Variants in IL1RAPL2 observed in about 807,000 individuals in gnomAD.
IL1RAPL2 encodes the protein interleukin 1 receptor accessory protein like 2.
Under a neutral mutation model 44.1 loss-of-function variants are expected in IL1RAPL2, and 3 were observed. The ratio of observed to expected loss-of-function variants is 0.07; its 90% CI spans 0.03 to 0.18. The LOEUF (loss-of-function observed/expected upper bound fraction) is 0.18, where lower values mean the gene tolerates loss of function less well. Among genes scored for constraint, IL1RAPL2 ranks in the 10% least tolerant of loss-of-function variants. The probability of loss-of-function intolerance (pLI) is 1.00; values close to 1 mark genes in which losing one functional copy is unlikely to be tolerated. For synonymous variants in IL1RAPL2, 181 were observed against 178.8 expected, an observed-to-expected ratio of 1.01 and a Z score of -0.10; for missense variants, 391 against 496.4, an observed-to-expected ratio of 0.79 and a Z score of 2.02.
chrX:105,665,752 T>G (rs930306860), intron 6 of IL1RAPL2, among the ~76,000 whole-genome samples: 3 of 101,200 alleles, frequency 3.0e-5, no homozygotes, highest in Non-Finnish European at 6.0e-5. Context: ...GTTTTTTTTT[T>G]TTTGTTGTTG....
intron 6 of IL1RAPL2, among the ~76,000 whole-genome samples, chrX:105,656,293 G>A (rs2037676714): frequency 8.9e-6 from 1 of 112,078 alleles, no homozygotes; most frequent in South Asian, 3.7e-4. Flanking sequence ...GGTGATGGGA[G>A]AAAAGAGAAG....
chrX:105,291,009 T>C (rs5962502), intron 5 of IL1RAPL2, among the ~76,000 whole-genome samples: 28,602 of 110,879 alleles, frequency 0.26, 7,103 homozygotes, highest in African/African-American at 0.79. Context: ...TAGCCCCTCA[T>C]AAAGGCCATT....
chrX:105,536,824 A>G (rs2036680799), intron 6 of IL1RAPL2, among the ~76,000 whole-genome samples: 1 of 112,029 alleles, frequency 8.9e-6, no homozygotes, highest in Non-Finnish European at 1.9e-5. Context: ...TTTATCTTAT[A>G]AGTAAAGTTG....
intron 2 of IL1RAPL2, among the ~76,000 whole-genome samples, chrX:105,122,526 A>G (rs1437009815): frequency 9.0e-6 from 1 of 111,676 alleles, no homozygotes; most frequent in Admixed American, 9.5e-5. Context: ...ATTACAAAAG[A>G]TGATCATCAG....
At chrX:105,627,048 C>G (rs2037458102) in intron 6 of IL1RAPL2, among the ~76,000 whole-genome samples, 1 of 111,511 alleles carries the variant, frequency 9.0e-6, no homozygotes, top group Admixed American at 9.6e-5. Context: ...TTATTATTGT[C>G]TGTAATGGAA....
intron 2 of IL1RAPL2, among the ~76,000 whole-genome samples, chrX:105,187,122 G>A (rs1414307269): frequency 9.0e-6 from 1 of 111,663 alleles, no homozygotes; most frequent in East Asian, 2.8e-4. Context: ...ATATCCAGGA[G>A]CCTACGCTTA....
At chrX:105,493,613 C>T (rs1448191198) in intron 6 of IL1RAPL2, among the ~76,000 whole-genome samples, 4 of 110,790 alleles carry the variant, frequency 3.6e-5, no homozygotes, top group Non-Finnish European at 7.6e-5. Flanking sequence ...AAAATGGGCT[C>T]GGAGAATTTA....
intron 2 of IL1RAPL2, among the ~76,000 whole-genome samples, chrX:104,967,877 T>C (rs1262281615): frequency 9.1e-6 from 1 of 110,278 alleles, no homozygotes; most frequent in Non-Finnish European, 1.9e-5. Flanking sequence ...AGTAGACTTA[T>C]AATCATTAAA....
Position 105,403,905 on chromosome X carries a change from T to C in IL1RAPL2, c.698-80408T>C, listed in dbSNP as rs147644739. On this transcript the variant is annotated intron_variant, in intron 5 of 10. Coordinates refer to ENST00000372582, the MANE Select transcript of IL1RAPL2 (RefSeq NM_017416.2). ...TTTCTTCCCTCTTTTGTTAACGTAA[T>C]AATTTATCAACCAGTTTTTCTTTAG... Among the ~76,000 whole-genome samples the C allele has an allele frequency of 3.7e-3, 412 of 111,761 alleles. 6 individuals are homozygous for C. In the Middle Eastern group the frequency reaches 0.041, roughly 11 times the overall value.
intron 2 of IL1RAPL2, among the ~76,000 whole-genome samples, chrX:104,667,437 G>A (rs1012005720): frequency 3.6e-5 from 4 of 111,029 alleles, no homozygotes; most frequent in Non-Finnish European, 5.7e-5. Context: ...AACATGCATC[G>A]AGTGCTCCTA....
chrX:104,619,789 A>G (rs1412283549), intron 1 of IL1RAPL2, among the ~76,000 whole-genome samples: 1 of 112,416 alleles, frequency 8.9e-6, no homozygotes, highest in Non-Finnish European at 1.9e-5. Context: ...ATATTAAAAA[A>G]TAAGCAAAGA....
At chrX:104,608,439 A>C (rs1206702859) in intron 1 of IL1RAPL2, among the ~76,000 whole-genome samples, 1 of 110,416 alleles carries the variant, frequency 9.1e-6, no homozygotes, top group Non-Finnish European at 1.9e-5. Flanking sequence ...TGGGGTGTTA[A>C]AGTTTCCCAT....
chrX:105,128,594 T>C (rs2032998314), intron 2 of IL1RAPL2, among the ~76,000 whole-genome samples: 1 of 111,286 alleles, frequency 9.0e-6, no homozygotes, highest in South Asian at 3.7e-4. Flanking sequence ...TATATCACAA[T>C]TTATTCAACC....
At chrX:104,582,507 T>G (rs1928369109) in intron 1 of IL1RAPL2, among the ~76,000 whole-genome samples, 1 of 110,104 alleles carries the variant, frequency 9.1e-6, no homozygotes, top group Non-Finnish European at 1.9e-5. Flanking sequence ...TCTCTCTCTC[T>G]CTCTCTTTCT....
At chrX:105,716,853 A>G (rs2038260770) in intron 6 of IL1RAPL2, among the ~76,000 whole-genome samples, 1 of 112,268 alleles carries the variant, frequency 8.9e-6, no homozygotes, top group South Asian at 3.7e-4. Flanking sequence ...TCAAGTTAGC[A>G]GTGCTTAATA....
intron 2 of IL1RAPL2, among the ~76,000 whole-genome samples, chrX:105,108,997 CAT>C (rs957895236): frequency 2.7e-5 from 3 of 111,719 alleles, no homozygotes; most frequent in African/African-American, 9.8e-5. Context: ...ACTCTACAAA[CAT>C]ATTGGGCTTC....
intron 2 of IL1RAPL2, among the ~76,000 whole-genome samples, chrX:105,159,273 G>A (rs996222974): frequency 3.6e-5 from 4 of 112,123 alleles, no homozygotes; most frequent in African/African-American, 1.3e-4. Flanking sequence ...TTCGAGGGAA[G>A]TTTTGACTAT....
chrX:104,903,363 G>T (rs1395000165), intron 2 of IL1RAPL2, among the ~76,000 whole-genome samples: 1 of 110,349 alleles, frequency 9.1e-6, no homozygotes, highest in Non-Finnish European at 1.9e-5. Context: ...TATTTTAAAA[G>T]AAAAAAACTT....
intron 5 of IL1RAPL2, among the ~76,000 whole-genome samples, chrX:105,450,976 GT>G (rs750194751): frequency 3.7e-5 from 4 of 108,805 alleles, no homozygotes; most frequent in Non-Finnish European, 7.6e-5. Flanking sequence ...GATTGTTAGT[GT>G]TGATATGAGG....
Sources: gnomAD v4.1 joint callset for allele counts (sites outside exome capture counted in the v4.1 genomes callset) on GRCh38, gnomAD v4.1.1 for gene constraint, MANE v1.5 for transcripts, NCBI Gene and HGNC (gene_info 2026-07-23, HGNC 2026-07-21) for gene names.